The following ZSWIM6 variants were observed in gnomAD, a reference collection of about 807,000 sequenced individuals.
ZSWIM6 encodes the protein zinc finger SWIM domain-containing protein 6.
ZSWIM6 carries 9 observed loss-of-function variants against 113.2 expected under a neutral mutation model. That is an observed-to-expected ratio of 0.08 (90% CI 0.05 to 0.14). ZSWIM6 has a LOEUF of 0.14. ZSWIM6 is among the 10% of genes least tolerant of loss of function. The pLI is 1.00. For missense variants in ZSWIM6, 1,162 were observed against 1,552.2 expected, an observed-to-expected ratio of 0.75 and a Z score of 4.22; for synonymous variants, 611 against 606.5, an observed-to-expected ratio of 1.01 and a Z score of -0.11.
chr5:61,379,259 G>C (rs2112078290), intron 1 of ZSWIM6, among the ~76,000 whole-genome samples: 1 of 149,590 alleles, frequency 6.7e-6, no homozygotes, highest in African/African-American at 2.5e-5. Flanking sequence ...CATTAAGTCT[G>C]TATCTTCAGT....
At chr5:61,356,475 A>G (rs1744908747) in intron 1 of ZSWIM6, among the ~76,000 whole-genome samples, 1 of 151,726 alleles carries the variant, frequency 6.6e-6, no homozygotes. Flanking sequence ...GTAAAATACA[A>G]TGAATGCTAT....
At chr5:61,362,390 G>T (rs555241177) in intron 1 of ZSWIM6, among the ~76,000 whole-genome samples, 7 of 152,208 alleles carry the variant, frequency 4.6e-5, no homozygotes, top group African/African-American at 1.4e-4. Context: ...TAGAGATGGG[G>T]TTTCGCCATT....
At chr5:61,392,516 G>C (rs1745741561) in intron 1 of ZSWIM6, among the ~76,000 whole-genome samples, 1 of 152,200 alleles carries the variant, frequency 6.6e-6, no homozygotes, top group Non-Finnish European at 1.5e-5. Context: ...ATGCACGCAT[G>C]TGTGCTCACA....
intron 4 of ZSWIM6, among the ~76,000 whole-genome samples, chr5:61,502,498 A>G (rs1316203823): frequency 6.6e-6 from 1 of 152,192 alleles, no homozygotes; most frequent in Non-Finnish European, 1.5e-5. Context: ...ACTTTACCAC[A>G]TTACTACTAG....
At chr5:61,405,934 C>T (rs1746035415) in intron 1 of ZSWIM6, among the ~76,000 whole-genome samples, 2 of 152,142 alleles carry the variant, frequency 1.3e-5, no homozygotes, top group African/African-American at 4.8e-5. Flanking sequence ...CCTTTAAAGA[C>T]TTTTTCTTTA....
At chr5:61,358,114 C>A (rs1284924359) in intron 1 of ZSWIM6, among the ~76,000 whole-genome samples, 1 of 152,142 alleles carries the variant, frequency 6.6e-6, no homozygotes, top group Non-Finnish European at 1.5e-5. Context: ...TATTTCCTTG[C>A]CCCCTTTACT....
At chr5:61,535,098 C>T (rs1329471432) in intron 9 of ZSWIM6, among the ~76,000 whole-genome samples, 2 of 152,272 alleles carry the variant, frequency 1.3e-5, no homozygotes, top group East Asian at 3.9e-4. Context: ...CATAGTTAAG[C>T]TGTGGTGTCA....
At chr5:61,373,772 A>C (rs956150168) in intron 1 of ZSWIM6, among the ~76,000 whole-genome samples, 1 of 152,060 alleles carries the variant, frequency 6.6e-6, no homozygotes, top group Non-Finnish European at 1.5e-5. Flanking sequence ...CTACTTCTTT[A>C]ATATCATATC....
intron 1 of ZSWIM6, among the ~76,000 whole-genome samples, chr5:61,453,888 A>C (rs1747142845): frequency 6.6e-6 from 1 of 152,064 alleles, no homozygotes; most frequent in African/African-American, 2.4e-5. Context: ...CTTTGAGGCT[A>C]TGCAGATATT....
At chr5:61,492,034 A>G (rs536303808) in intron 3 of ZSWIM6, among the ~76,000 whole-genome samples, 7 of 152,094 alleles carry the variant, frequency 4.6e-5, no homozygotes, top group African/African-American at 1.7e-4. Flanking sequence ...GGCACTTCAA[A>G]CTCATGTCAT....
chr5:61,407,893 A>T (rs1371699134), intron 1 of ZSWIM6, among the ~76,000 whole-genome samples: 7 of 152,226 alleles, frequency 4.6e-5, no homozygotes, highest in Non-Finnish European at 7.3e-5. Flanking sequence ...ATCCTCCTGC[A>T]CTGCTGGTGG....
At chr5:61,521,520 TA>T in intron 5 of ZSWIM6, 78 bp downstream of exon 5, 1 of 1,175,116 alleles carries the variant, frequency 8.5e-7, no homozygotes, top group Non-Finnish European at 1.1e-6. Flanking sequence ...ACTTACAATG[TA>T]TATGGGAAAA....
rs538870442 is a variant in ZSWIM6, at chr5:61,545,546, C to A, written c.*1229C>A. 6.6e-6 allele frequency: 1 copy of A among 152,052 alleles called. No homozygotes were observed. The highest frequency in any genetic ancestry group is 2.4e-5 in the African/African-American group (1 of 41,392). The allele number at this position is 152,052 out of a possible 1,614,324, so 9.4% of individuals were successfully genotyped here. A position where few individuals can be genotyped will look rare whatever the true frequency, so the allele number is the denominator to read the frequency against. ...TTGCAGTGAGCTAATAATAAGCTAACCTTTGTGCACAAATAACATTATATA... is the reference window on the plus strand; with the variant it reads ...TTGCAGTGAGCTAATAATAAGCTAAACTTTGTGCACAAATAACATTATATA... On this transcript the variant is annotated 3_prime_UTR_variant, in exon 14 of 14. Transcript: ENST00000252744.
intron 1 of ZSWIM6, among the ~76,000 whole-genome samples, chr5:61,344,318 T>C (rs1415623617): frequency 1.3e-5 from 2 of 152,208 alleles, no homozygotes; most frequent in African/African-American, 4.8e-5. Flanking sequence ...TTCACGATTG[T>C]GGTTTATACT....
Position 61,538,849 on chromosome 5 carries a change from A to T in ZSWIM6, c.2417A>T (p.Asp806Val). ...LVLESTAPSGDLTRPHHIASV... is the reference protein window; with the variant it reads ...LVLESTAPSGVLTRPHHIASV... The stretch of plus-strand genomic sequence containing the variant: ...TTGGAATCTACTGCTCCATCAGGAG[A>T]CCTCACCCGCCCACACCACATTGCA... The change falls in exon 11 of 14, where the codon GAC becomes GTC. Residue 806 changes from aspartate to valine, a missense_variant. By Grantham distance (152) the Asp-to-Val change is radical. Transcript: ENST00000252744. The T allele has an allele frequency of 6.4e-7, 1 of 1,552,066 alleles. No individual in the cohort carries two copies. Among genetic ancestry groups the T allele is most frequent in the African/African-American group, 1.4e-5 (1 of 73,088 alleles).
chr5:61,410,275 T>C (rs1190231835), intron 1 of ZSWIM6, among the ~76,000 whole-genome samples: 1 of 151,954 alleles, frequency 6.6e-6, no homozygotes, highest in East Asian at 1.9e-4. Flanking sequence ...GTGTTCTGAG[T>C]TTGTGAATAG....
intron 1 of ZSWIM6, among the ~76,000 whole-genome samples, chr5:61,461,319 C>T (rs1448413164): frequency 2.0e-5 from 3 of 152,180 alleles, no homozygotes; most frequent in Admixed American, 6.5e-5. Context: ...ACTGCTGCCT[C>T]CCTCCATAAT....
At chr5:61,382,965 C>T (rs1745516154) in intron 1 of ZSWIM6, among the ~76,000 whole-genome samples, 1 of 152,114 alleles carries the variant, frequency 6.6e-6, no homozygotes, top group Non-Finnish European at 1.5e-5. Context: ...ATAACATGCT[C>T]AGTGTTATTT....
At chr5:61,363,986 C>T (rs1745097996) in intron 1 of ZSWIM6, among the ~76,000 whole-genome samples, 1 of 148,916 alleles carries the variant, frequency 6.7e-6, no homozygotes, top group South Asian at 2.1e-4. Flanking sequence ...CCCTCCCTCC[C>T]TCCCTTTCCT....
Sources: allele counts gnomAD v4.1 joint callset (sites outside exome capture counted in the v4.1 genomes callset), GRCh38; gene constraint gnomAD v4.1.1; transcripts MANE v1.5; gene names NCBI Gene and HGNC (gene_info 2026-07-23, HGNC 2026-07-21).